The following CPSF3 variants were observed in gnomAD, a reference collection of about 807,000 sequenced individuals.
CPSF3 encodes cleavage and polyadenylation specificity factor subunit 3.
Under a neutral mutation model 84.1 loss-of-function variants are expected in CPSF3, and 57 were observed. The observed-to-expected ratio is 0.68, with a 90% CI of 0.55 to 0.85. CPSF3 has a LOEUF of 0.85. CPSF3 is among the 40% of genes least tolerant of loss of function. CPSF3 has a pLI of 0.00. For missense variants in CPSF3, 522 were observed against 838.8 expected (o/e 0.62, Z 4.66); for synonymous variants, 275 against 278.1 (o/e 0.99, Z 0.11).
intron 10 of CPSF3, 82 bp from the exon 11 acceptor site, chr2:9,448,116 T>G: frequency 1.5e-6 from 1 of 685,528 alleles, no homozygotes; most frequent in Non-Finnish European, 2.3e-6. Flanking sequence ...TTAAATATAT[T>G]TCATATATTT....
intron 15 of CPSF3, among the ~76,000 whole-genome samples, chr2:9,466,428 A>G (rs1366411966): frequency 1.3e-5 from 2 of 148,158 alleles, no homozygotes; most frequent in East Asian, 3.9e-4. Flanking sequence ...ACACGCGCAC[A>G]CACGCGCACA....
At chr2:9,472,227 C>G (rs6432006) in intron 17 of CPSF3, among the ~76,000 whole-genome samples, 10,389 of 148,776 alleles carry the variant, frequency 0.07, 1,231 homozygotes, top group African/African-American at 0.24. Context: ...CAGGAGAACC[C>G]AGGAATCACC....
intron 9 of CPSF3, 59 bp downstream of exon 9, chr2:9,442,035 G>C: frequency 6.4e-7 from 1 of 1,555,090 alleles, no homozygotes; most frequent in Middle Eastern, 1.7e-4. Flanking sequence ...AGGTGGCACG[G>C]TCCTCACAGG....
At chr2:9,454,838 C>T (rs1009363706) in intron 12 of CPSF3, among the ~76,000 whole-genome samples, 6 of 152,046 alleles carry the variant, frequency 3.9e-5, no homozygotes, top group African/African-American at 7.2e-5. Context: ...GCCACTGCGC[C>T]GGGCCCGAGC....
intron 1 of CPSF3, among the ~76,000 whole-genome samples, chr2:9,425,764 T>C (rs977999028): frequency 1.6e-4 from 5 of 32,182 alleles, no homozygotes; most frequent in Admixed American, 9.8e-4. Flanking sequence ...ACCATACAAC[T>C]CACAATTTAC....
chr2:9,451,774 T>C (rs778031114), intron 11 of CPSF3, among the ~76,000 whole-genome samples: 2 of 149,426 alleles, frequency 1.3e-5, no homozygotes, highest in Non-Finnish European at 3.0e-5. Context: ...TGGAGTGCAG[T>C]GGCGCGATCT....
chr2:9,457,267 AT>A (rs1259852455), intron 14 of CPSF3, among the ~76,000 whole-genome samples: 3 of 151,882 alleles, frequency 2.0e-5, no homozygotes, highest in Non-Finnish European at 4.4e-5. Flanking sequence ...CTAATAATAA[AT>A]TAAGGGTTCT....
At chr2:9,459,093 T>C (rs11689648) in intron 14 of CPSF3, among the ~76,000 whole-genome samples, 82,757 of 150,894 alleles carry the variant, frequency 0.55, 23,651 homozygotes, top group Middle Eastern at 0.68. Flanking sequence ...GCCTGGGCAA[T>C]GGGAGCAAAA....
intron 14 of CPSF3, 72 bp from the exon 15 acceptor site, chr2:9,459,459 G>T: frequency 1.1e-6 from 1 of 881,440 alleles, no homozygotes; most frequent in Non-Finnish European, 1.9e-6. Flanking sequence ...TGGTTTGGTG[G>T]GTTGTAGTTG....
chr2:9,425,208 T>C (rs547379871), intron 1 of CPSF3, among the ~76,000 whole-genome samples: 4 of 152,224 alleles, frequency 2.6e-5, no homozygotes, highest in Non-Finnish European at 5.9e-5. Flanking sequence ...TGTGGCCAGA[T>C]TCCTCATGGC....
chr2:9,459,735 C>T (rs1265014946), intron 15 of CPSF3, 117 bp downstream of exon 15: 5 of 527,396 alleles, frequency 9.5e-6, no homozygotes, highest in African/African-American at 2.1e-5. Context: ...CTGCATCCTC[C>T]ACTTCCCAGG....
chr2:9,450,817 T>C (rs1681305169), intron 11 of CPSF3, among the ~76,000 whole-genome samples: 1 of 152,130 alleles, frequency 6.6e-6, no homozygotes, highest in South Asian at 2.1e-4. Flanking sequence ...ACACTTTTAA[T>C]ACATAATGAG....
intron 7 of CPSF3, among the ~76,000 whole-genome samples, chr2:9,436,720 G>A (rs181669198): frequency 0.011 from 1,595 of 150,858 alleles, 12 homozygotes; most frequent in Middle Eastern, 0.025. Flanking sequence ...GTAGTGAGCC[G>A]AGATTGCGCC....
chr2:9,471,516 C>T (rs758384747), intron 17 of CPSF3, 77 bp downstream of exon 17: 4 of 867,512 alleles, frequency 4.6e-6, no homozygotes, highest in Non-Finnish European at 6.0e-6. Context: ...TGCTCTCACA[C>T]TCAACAGTCT....
chr2:9,434,246 G>A (rs1680696888), intron 6 of CPSF3, among the ~76,000 whole-genome samples: 1 of 151,982 alleles, frequency 6.6e-6, no homozygotes, highest in Non-Finnish European at 1.5e-5. Flanking sequence ...AGCTGGGTGT[G>A]GTGGTGCAGT....
intron 7 of CPSF3, 36 bp downstream of exon 7, chr2:9,436,397 A>C: frequency 6.4e-7 from 1 of 1,569,794 alleles, no homozygotes; most frequent in Non-Finnish European, 8.6e-7. Context: ...CGATGATCAA[A>C]ATCTTGTCAT....
Position 9,440,629 on chromosome 2 carries a change from A to G in CPSF3, c.899A>G (p.Asn300Ser), listed in dbSNP as rs1301438483. The part of the protein sequence containing the change: ...NDKIRKQINI[N>S]NPFVFKHISN... ...AAAATCCGCAAACAGATCAACATCA[A>G]TAATCCCTTTGTTTTCAAACACATT... The change falls in exon 8 of 18, where the codon AAT becomes AGT. Residue 300 changes from asparagine (N) to serine (S), a missense_variant. Around this residue, in one of 2 missense-constraint regions of CPSF3, gnomAD observed 329 missense variants for 607.2 expected, o/e 0.54. Coordinates refer to ENST00000238112, the MANE Select transcript of CPSF3 (RefSeq NM_016207.4). 1.2e-6 allele frequency: 2 copies of G among 1,614,136 alleles called. No homozygotes were observed. Among genetic ancestry groups the G allele is most frequent in the East Asian group, 4.5e-5 (2 of 44,902 alleles).
At chr2:9,434,532 T>G (rs757306632) in intron 6 of CPSF3, among the ~76,000 whole-genome samples, 28 of 152,230 alleles carry the variant, frequency 1.8e-4, no homozygotes, top group Non-Finnish European at 3.8e-4. Flanking sequence ...CTATGCCCTC[T>G]CTCTGTCTTC....
intron 15 of CPSF3, among the ~76,000 whole-genome samples, chr2:9,466,083 G>A (rs1037228511): frequency 6.6e-6 from 1 of 152,174 alleles, no homozygotes; most frequent in Admixed American, 6.5e-5. Context: ...GCTCACACCT[G>A]TAATCCCAGC....
Sources: allele counts gnomAD v4.1 joint callset (sites outside exome capture counted in the v4.1 genomes callset), GRCh38; gene constraint gnomAD v4.1.1; regional missense constraint gnomAD v4.1.1; transcripts MANE v1.5; gene names NCBI Gene and HGNC (gene_info 2026-07-23, HGNC 2026-07-21).